The following JAM2 variants were observed in gnomAD, a reference collection of about 807,000 sequenced individuals.
JAM2 encodes junctional adhesion molecule 2, also known as junctional adhesion molecule B.
A neutral mutation model predicts 42.0 loss-of-function variants in JAM2; 17 were observed. The observed-to-expected ratio is 0.40, with a 90% CI of 0.28 to 0.61. The LOEUF (loss-of-function observed/expected upper bound fraction) is 0.61, where lower values mean the gene tolerates loss of function less well. Among genes scored for constraint, JAM2 ranks in the 20% least tolerant of loss-of-function variants. The pLI, the probability that JAM2 is intolerant of heterozygous loss-of-function variation, is 0.37. For missense variants in JAM2, 319 were observed against 358.3 expected (o/e 0.89, Z 0.89); for synonymous variants, 118 against 128.6 (o/e 0.92, Z 0.56).
At chr21:25,662,388 A>C (rs2033111968) in intron 1 of JAM2, among the ~76,000 whole-genome samples, 1 of 151,804 alleles carries the variant, frequency 6.6e-6, no homozygotes, top group African/African-American at 2.4e-5. Context: ...GGGCTCAAAC[A>C]GTCCTCCAGC....
intron 4 of JAM2, among the ~76,000 whole-genome samples, chr21:25,695,830 G>A (rs1313237632): frequency 6.6e-6 from 1 of 150,730 alleles, no homozygotes; most frequent in African/African-American, 2.4e-5. Context: ...ATCCCAGACC[G>A]GGCGGCGGGG....
chr21:25,692,064 C>T (rs186202703), intron 3 of JAM2: 180 of 152,806 alleles, frequency 1.2e-3, no homozygotes, highest in Non-Finnish European at 2.0e-3. Flanking sequence ...GCCAGGCCTG[C>T]TGGCAGCTGC....
At chr21:25,674,351 T>C (rs1361373254) in intron 1 of JAM2, among the ~76,000 whole-genome samples, 1 of 152,082 alleles carries the variant, frequency 6.6e-6, no homozygotes, top group African/African-American at 2.4e-5. Context: ...GCTGAGATCG[T>C]GCTACTACAC....
At chr21:25,684,980 T>C (rs1005336489) in intron 2 of JAM2, among the ~76,000 whole-genome samples, 1 of 152,174 alleles carries the variant, frequency 6.6e-6, no homozygotes, top group Non-Finnish European at 1.5e-5. Context: ...TATTGGGCAA[T>C]CAGAAGAATT....
chr21:25,672,300 C>T (rs1004069893), intron 1 of JAM2, among the ~76,000 whole-genome samples: 3 of 152,044 alleles, frequency 2.0e-5, no homozygotes, highest in Non-Finnish European at 4.4e-5. Context: ...CTATCCCTGA[C>T]CCAAACAGCC....
chr21:25,674,255 T>G (rs2033430872), intron 1 of JAM2, among the ~76,000 whole-genome samples: 1 of 151,798 alleles, frequency 6.6e-6, no homozygotes, highest in Admixed American at 6.6e-5. Context: ...ATTAGCCAGG[T>G]GTGGTGGCAC....
chr21:25,710,021 C>T (rs1193685410), intron 8 of JAM2: 1 of 152,346 alleles, frequency 6.6e-6, no homozygotes, highest in Non-Finnish European at 1.5e-5. Flanking sequence ...CAACATCCCA[C>T]TTCACACTTC....
At chr21:25,652,435 C>A (rs560017692) in intron 1 of JAM2, among the ~76,000 whole-genome samples, 1 of 152,080 alleles carries the variant, frequency 6.6e-6, no homozygotes, top group South Asian at 2.1e-4. Context: ...TACTGTATAT[C>A]AAATTAGTGA....
rs1274905976 is a variant in JAM2 at position 25,642,499 on chromosome 21, T to G, written c.67+2611T>G. 2.6e-5 allele frequency among the ~76,000 whole-genome samples: 4 copies of G among 152,208 alleles called. No homozygotes were observed. The East Asian group carries it at 7.7e-4, about 29-fold the overall frequency. ...TGTGCCATTCTTTTGGCCACTCCTA[T>G]CATTTATAATATCATGCTTACTCCC... On this transcript the variant is annotated intron_variant, in intron 1 of 9. Coordinates refer to ENST00000480456, the MANE Select transcript of JAM2 (RefSeq NM_021219.4).
intron 1 of JAM2, among the ~76,000 whole-genome samples, chr21:25,661,603 T>C (rs914824513): frequency 3.3e-5 from 5 of 151,950 alleles, no homozygotes; most frequent in African/African-American, 1.2e-4. Context: ...TTTCCCAAAT[T>C]TTACATATAT....
intron 1 of JAM2, among the ~76,000 whole-genome samples, chr21:25,663,806 A>G (rs2033150248): frequency 1.3e-5 from 2 of 152,148 alleles, no homozygotes; most frequent in African/African-American, 4.8e-5. Context: ...TTTATAAATT[A>G]CCCCATTTCA....
chr21:25,715,066 A>G lies in JAM2; in HGVS notation c.*394A>G, dbSNP rs1331504019. On this transcript the variant is annotated 3_prime_UTR_variant, in exon 10 of 10. Transcript: ENST00000480456. ...GAGTCTGATTTAGGGGGTCCAACAA[A>G]TACTCTGACAGATGCAAAAGGAACC... 6.4e-6 allele frequency: 1 copy of G among 156,090 alleles called. No homozygotes were observed. The highest frequency in any genetic ancestry group is 6.5e-5 in the Admixed American group (1 of 15,376). 9.7% of individuals were successfully genotyped at this position (156,090 alleles called of 1,614,324 possible).
At chr21:25,659,559 T>C (rs1175484908) in intron 1 of JAM2, among the ~76,000 whole-genome samples, 1 of 152,202 alleles carries the variant, frequency 6.6e-6, no homozygotes, top group African/African-American at 2.4e-5. Context: ...TCTTTCAAAA[T>C]GTTGAGTCCA....
intron 1 of JAM2, among the ~76,000 whole-genome samples, chr21:25,669,762 G>A (rs1294863763): frequency 2.0e-5 from 3 of 152,210 alleles, no homozygotes; most frequent in Non-Finnish European, 4.4e-5. Context: ...AAGACAGAAT[G>A]ATTCTGTTTC....
At position 25,715,275 on chromosome 21, in the gene JAM2, G is replaced by T. The variant is rs2034457292; in HGVS notation, c.*603G>T. On this transcript the variant is annotated 3_prime_UTR_variant, in exon 10 of 10. Coordinates refer to ENST00000480456, the MANE Select transcript of JAM2 (RefSeq NM_021219.4). ...AGCAACATCAAAAGAAATGCCTAAT[G>T]GCTGGAGCCCACAGGTGTGCACCAC... 6.6e-6 allele frequency: 1 copy of T among 152,246 alleles called. No homozygotes were observed. Among genetic ancestry groups the T allele is most frequent in the Non-Finnish European group, 1.5e-5 (1 of 68,070 alleles). 9.4% of individuals were successfully genotyped at this position (152,246 alleles called of 1,614,324 possible). A position where few individuals can be genotyped will look rare whatever the true frequency, so the allele number is the denominator to read the frequency against.
intron 2 of JAM2, among the ~76,000 whole-genome samples, chr21:25,685,524 C>CAAAAAAAAAAAAAAAAAAAAAAAAAA (rs776114627): frequency 2.0e-5 from 1 of 50,426 alleles, no homozygotes; most frequent in Admixed American, 2.4e-4. Context: ...GAGAATGTCT[C>CAAAAAAAAAAAAAAAAAAAAAAAAAA]AAAAAAAAAA....
chr21:25,677,513 A>T (rs902672755), intron 1 of JAM2, among the ~76,000 whole-genome samples: 2 of 152,254 alleles, frequency 1.3e-5, no homozygotes, highest in African/African-American at 4.8e-5. Flanking sequence ...ATTGAGAAAG[A>T]GAAAATGATT....
At chr21:25,690,344 C>A (rs2033851817) in intron 3 of JAM2, among the ~76,000 whole-genome samples, 1 of 146,012 alleles carries the variant, frequency 6.8e-6, no homozygotes, top group Non-Finnish European at 1.5e-5. Flanking sequence ...GCCTTTCTTT[C>A]TTTTTTCAAG....
intron 4 of JAM2, among the ~76,000 whole-genome samples, chr21:25,694,846 A>AAAAAAAT (rs2033964994): frequency 6.6e-6 from 1 of 151,324 alleles, no homozygotes. Flanking sequence ...AAAAAAAAAA[A>AAAAAAAT]AAATAAAAAG....
Sources: allele counts gnomAD v4.1 joint callset (sites outside exome capture counted in the v4.1 genomes callset), GRCh38; gene constraint gnomAD v4.1.1; transcripts MANE v1.5; gene names NCBI Gene and HGNC (gene_info 2026-07-23, HGNC 2026-07-21).